The following PCED1B variants were observed in gnomAD, a reference collection of about 807,000 sequenced individuals.
PCED1B encodes PC-esterase domain containing 1B.
For missense variants in PCED1B, 573 were observed against 573.9 expected (o/e 1.00, Z 0.02); for synonymous variants, 251 against 246.1 (o/e 1.02, Z -0.19).
chr12:47,087,233 A>C (rs1430106287), intron 1 of PCED1B, among the ~76,000 whole-genome samples: 2 of 152,146 alleles, frequency 1.3e-5, no homozygotes, highest in Non-Finnish European at 2.9e-5. Flanking sequence ...AATAATACCT[A>C]CCACTTATTA....
chr12:47,161,884 C>T (rs539397588), intron 2 of PCED1B, among the ~76,000 whole-genome samples: 1 of 152,250 alleles, frequency 6.6e-6, no homozygotes, highest in African/African-American at 2.4e-5. Flanking sequence ...CAATGATAGA[C>T]TGGAGTAAGA....
intron 2 of PCED1B, among the ~76,000 whole-genome samples, chr12:47,211,990 G>A (rs1470683096): frequency 6.6e-6 from 1 of 151,342 alleles, no homozygotes; most frequent in Non-Finnish European, 1.5e-5. Context: ...CAGGAGAATG[G>A]CGTGAACCCG....
At chr12:47,084,973 G>T (rs960633070) in intron 1 of PCED1B, among the ~76,000 whole-genome samples, 1 of 152,100 alleles carries the variant, frequency 6.6e-6, no homozygotes, top group East Asian at 1.9e-4. Flanking sequence ...GCAAATCCCC[G>T]TCTCTACTAA....
At chr12:47,111,478 G>A (rs1043285716) in intron 2 of PCED1B, among the ~76,000 whole-genome samples, 5 of 151,604 alleles carry the variant, frequency 3.3e-5, no homozygotes, top group Non-Finnish European at 5.9e-5. Flanking sequence ...TTACAGTTAG[G>A]GGCCTTAAGT....
rs541448444 is a variant in PCED1B at position 47,218,475 on chromosome 12, A to G, written c.-58+1786A>G. Among the ~76,000 whole-genome samples, 4 of 152,234 alleles carry G rather than the reference A, an allele frequency of 2.6e-5. No individual in the cohort carries two copies. In the South Asian group the frequency reaches 8.3e-4, roughly 32 times the overall value. On this transcript the variant is annotated intron_variant, in intron 3 of 3. Coordinates refer to ENST00000546455, the MANE Select transcript of PCED1B (RefSeq NM_138371.3). ...AACTCAAGTTTCCAGAATCCTCTAC[A>G]ACATAGTGTGAGTAAAAGCCAAGGC...
chr12:47,129,780 C>T (rs928734157), intron 2 of PCED1B, among the ~76,000 whole-genome samples: 1 of 152,164 alleles, frequency 6.6e-6, no homozygotes, highest in Admixed American at 6.5e-5. Flanking sequence ...GGAGACCATG[C>T]GTCTGGCAGG....
intron 2 of PCED1B, among the ~76,000 whole-genome samples, chr12:47,170,163 T>A (rs1355182891): frequency 6.6e-6 from 1 of 152,126 alleles, no homozygotes; most frequent in Non-Finnish European, 1.5e-5. Context: ...CCTTAATCCA[T>A]TTAACCCTGA....
At chr12:47,215,498 C>A (rs1200789157) in intron 2 of PCED1B, among the ~76,000 whole-genome samples, 1 of 152,028 alleles carries the variant, frequency 6.6e-6, no homozygotes, top group Non-Finnish European at 1.5e-5. Context: ...AGGTGATCCA[C>A]CCGCCTCGGC....
At chr12:47,089,594 G>A (rs1281935847) in intron 1 of PCED1B, among the ~76,000 whole-genome samples, 1 of 150,822 alleles carries the variant, frequency 6.6e-6, no homozygotes, top group African/African-American at 2.4e-5. Flanking sequence ...TTTGGTGAGT[G>A]TGAAATAATA....
In PCED1B at chr12:47,201,272, C is replaced by T. The variant is rs74361719; in HGVS notation, c.-525-14950C>T. Among the ~76,000 whole-genome samples, 1,648 of 152,210 alleles carry T rather than the reference C, an allele frequency of 0.011. 79 individuals carry two copies. In the East Asian group the frequency reaches 0.15, roughly 14 times the overall value. ...TCAGTCTATTACAAGGTGATAGACTCGGGGCTTTGGGCGTTATCAATCAGA... is the reference window on the plus strand; with the variant it reads ...TCAGTCTATTACAAGGTGATAGACTTGGGGCTTTGGGCGTTATCAATCAGA... On this transcript the variant is annotated intron_variant, in intron 2 of 3. Coordinates refer to ENST00000546455, the MANE Select transcript of PCED1B (RefSeq NM_138371.3).
intron 1 of PCED1B, among the ~76,000 whole-genome samples, chr12:47,100,508 G>A (rs1223403453): frequency 1.3e-5 from 2 of 151,990 alleles, no homozygotes; most frequent in Non-Finnish European, 2.9e-5. Flanking sequence ...TATTTTGTTT[G>A]TTTTACAGGT....
At chr12:47,101,545 T>A (rs1188790540) in intron 1 of PCED1B, among the ~76,000 whole-genome samples, 1 of 152,206 alleles carries the variant, frequency 6.6e-6, no homozygotes, top group Non-Finnish European at 1.5e-5. Flanking sequence ...TCAGTAGCCA[T>A]TCTACATTAC....
At chr12:47,229,298 T>C (rs146524583) in intron 3 of PCED1B, among the ~76,000 whole-genome samples, 1 of 151,106 alleles carries the variant, frequency 6.6e-6, no homozygotes, top group East Asian at 2.0e-4. Context: ...TCTGTAGTCC[T>C]AGCTACTCGG....
At chr12:47,107,399 T>C (rs1939002968) in intron 2 of PCED1B, among the ~76,000 whole-genome samples, 1 of 152,176 alleles carries the variant, frequency 6.6e-6, no homozygotes, top group Non-Finnish European at 1.5e-5. Flanking sequence ...TCTCTCTTGT[T>C]CTCCATGGGA....
intron 2 of PCED1B, among the ~76,000 whole-genome samples, chr12:47,131,673 C>CTTTTT (rs760678015): frequency 1.0e-4 from 13 of 128,004 alleles, no homozygotes; most frequent in African/African-American, 4.7e-4. Flanking sequence ...TGTTTTACTT[C>CTTTTT]TTTTTTTTTT....
chr12:47,163,485 T>G (rs1941452806), intron 2 of PCED1B, among the ~76,000 whole-genome samples: 1 of 152,260 alleles, frequency 6.6e-6, no homozygotes, highest in Non-Finnish European at 1.5e-5. Flanking sequence ...CATTGCTTTG[T>G]GCCTGATTTT....
At chr12:47,135,338 C>T (rs1172060300) in intron 2 of PCED1B, among the ~76,000 whole-genome samples, 1 of 152,040 alleles carries the variant, frequency 6.6e-6, no homozygotes, top group Non-Finnish European at 1.5e-5. Context: ...CGAACACATG[C>T]ACTTTATTGA....
intron 2 of PCED1B, among the ~76,000 whole-genome samples, chr12:47,117,301 A>G (rs1205589597): frequency 6.6e-6 from 1 of 151,890 alleles, no homozygotes; most frequent in African/African-American, 2.4e-5. Context: ...GCACCCATTA[A>G]CTCGTCATTT....
intron 1 of PCED1B, among the ~76,000 whole-genome samples, chr12:47,090,999 TC>T (rs918190799): frequency 6.6e-5 from 10 of 152,072 alleles, no homozygotes; most frequent in African/African-American, 2.4e-4. Flanking sequence ...TCCCCCAAAT[TC>T]CCCCCGATTC....
Sources: allele counts gnomAD v4.1 joint callset (sites outside exome capture counted in the v4.1 genomes callset), GRCh38; gene constraint gnomAD v4.1.1; transcripts MANE v1.5; gene names NCBI Gene and HGNC (gene_info 2026-07-23, HGNC 2026-07-21).